SDF4: variants seen among roughly 807,000 people sequenced by gnomAD.
The protein encoded by SDF4 is 45 kDa calcium-binding protein.
A neutral mutation model predicts 34.2 loss-of-function variants in SDF4; 22 were observed. The ratio of observed to expected loss-of-function variants is 0.64; its 90% CI spans 0.46 to 0.92. SDF4 has a LOEUF of 0.92. SDF4 is among the 40% of genes least tolerant of loss of function. The pLI is 0.00. For synonymous variants in SDF4, 236 were observed against 203.1 expected (o/e 1.16, Z -1.38); for missense variants, 447 against 499.9 (o/e 0.89, Z 1.01).
intron 4 of SDF4, 104 bp downstream of exon 4, chr1:1,223,140 G>A (rs760602028): frequency 3.7e-6 from 3 of 815,234 alleles, no homozygotes; most frequent in South Asian, 1.4e-5. Context: ...CACACGCACG[G>A]CACACTCATA....
chr1:1,220,404 G>GGC, intron 4 of SDF4: 1 of 1,166,390 alleles, frequency 8.6e-7, no homozygotes, highest in African/African-American at 1.6e-5. Context: ...GGACTCACGC[G>GGC]GTGACCCTCG....
chr1:1,220,092 C>G lies in SDF4; in HGVS notation c.557-1165G>C, dbSNP rs544166893. 4 of 986,558 alleles carry G rather than the reference C, an allele frequency of 4.1e-6. No individual in the cohort carries two copies. In the South Asian group the frequency reaches 1.9e-4, roughly 46 times the overall value. 61.1% of individuals were successfully genotyped at this position (986,558 alleles called of 1,614,324 possible). A position where few individuals can be genotyped will look rare whatever the true frequency, so the allele number is the denominator to read the frequency against. ...GCACAGACGCCCCAGACAGGCCGGCCGAGAGACGCTTTCTCCAGCACAGGA... is the reference window on the plus strand; with the variant it reads ...GCACAGACGCCCCAGACAGGCCGGCGGAGAGACGCTTTCTCCAGCACAGGA... On this transcript the variant is annotated intron_variant, in intron 4 of 6. Transcript: ENST00000360001.
Position 1,223,986 on chromosome 1 carries a change from G to T in SDF4, c.306-18C>A. The T allele has an allele frequency of 6.2e-7, 1 of 1,608,110 alleles. No individual in the cohort carries two copies. The highest frequency in any genetic ancestry group is 1.1e-5 in the South Asian group (1 of 91,064). ...CATCCACCCTGCAAGACAGCAAATG[G>T]GCAGGTGGCCGTCAGACTGGGCCCC... is the stretch of plus-strand genomic sequence containing the variant. On this transcript the variant is annotated intron_variant, in intron 2 of 6. Coordinates refer to ENST00000360001, the MANE Select transcript of SDF4 (RefSeq NM_016176.6).
In SDF4 at chr1:1,218,245, G is replaced by C. The variant is rs1363315502; in HGVS notation, c.891+213C>G. Among the ~76,000 whole-genome samples, 2 of 152,240 alleles carry C rather than the reference G, an allele frequency of 1.3e-5. No homozygotes were observed. The highest frequency in any genetic ancestry group is 1.3e-4 in the Admixed American group (2 of 15,292). ...AGGGGCTGAGGATGGAGCCCGGCCAGGCTCGCCTGTCTCTGATCCGTCTGA... is the reference window on the plus strand; with the variant it reads ...AGGGGCTGAGGATGGAGCCCGGCCACGCTCGCCTGTCTCTGATCCGTCTGA... On this transcript the variant is annotated intron_variant, in intron 6 of 6. Coordinates refer to ENST00000360001, the MANE Select transcript of SDF4 (RefSeq NM_016176.6). This position sits in a 1 kb window ranked among gnomAD's most constrained non-coding sequence, Gnocchi z 7.9.
intron 4 of SDF4, chr1:1,219,621 G>A (rs1203680373): frequency 1.0e-6 from 1 of 986,604 alleles, no homozygotes; most frequent in East Asian, 1.1e-4. Flanking sequence ...CACTGCCTCT[G>A]GGTGTGTGGC....
intron 4 of SDF4, among the ~76,000 whole-genome samples, chr1:1,222,007 T>C (rs1391844790): frequency 6.6e-6 from 1 of 152,172 alleles, no homozygotes; most frequent in Non-Finnish European, 1.5e-5. Context: ...TGTGTGTTAC[T>C]GATAAGTTAA....
chr1:1,223,786 G>GGCCCCCCCCCCCCCCCCCCC, intron 3 of SDF4, 46 bp downstream of exon 3: 33 of 585,238 alleles, frequency 5.6e-5, no homozygotes, highest in East Asian at 6.0e-5. Context: ...CCATGGCCCT[G>GGCCCCCCCCCCCCCCCCCCC]CCCGCCCCGC....
At chr1:1,230,906 A>T (rs72894056) in intron 1 of SDF4, among the ~76,000 whole-genome samples, 224 of 152,370 alleles carry the variant, frequency 1.5e-3, no homozygotes, top group African/African-American at 4.6e-3. Flanking sequence ...CTACAGTCGT[A>T]AAACACACGC....
At chr1:1,220,281 C>T (rs929524715) in intron 4 of SDF4, 127 of 1,074,174 alleles carry the variant, frequency 1.2e-4, no homozygotes, top group African/African-American at 2.0e-4. Context: ...GAGAAGAGGA[C>T]GCAGACCCAG....
At chr1:1,227,325 G>GCGGGGGCTGCCTCCTTATGCCCAGGTCTC (rs1409708151) in intron 2 of SDF4, 13 of 148,898 alleles carry the variant, frequency 8.7e-5, no homozygotes, top group African/African-American at 2.8e-4. Flanking sequence ...AGGCCCTGCG[G>GCGGGGGCTGCCTCCTTATGCCCAGGTCTC]GAAGGCGAGC....
chr1:1,217,080 A>G lies in SDF4; in HGVS notation c.*432T>C, dbSNP rs910225476. ...ACTTCCTGGCTACTCATTTCCAGCG[A>G]AGTTTAATCTATTTTTAATAATCGT... On this transcript the variant is annotated 3_prime_UTR_variant, in exon 7 of 7. Coordinates refer to ENST00000360001, the MANE Select transcript of SDF4 (RefSeq NM_016176.6). The surrounding 1 kb of genome is among the most constrained non-coding windows in gnomAD (Gnocchi z 8.5). 1 of 152,220 alleles carries G rather than the reference A, an allele frequency of 6.6e-6. No homozygotes were observed. Among genetic ancestry groups the G allele is most frequent in the African/African-American group, 2.4e-5 (1 of 41,432 alleles). 9.4% of individuals were successfully genotyped at this position (152,220 alleles called of 1,614,324 possible). A position where few individuals can be genotyped will look rare whatever the true frequency, so the allele number is the denominator to read the frequency against.
chr1:1,220,538 G>A (rs993321769), intron 4 of SDF4: 39 of 1,235,626 alleles, frequency 3.2e-5, no homozygotes, highest in East Asian at 1.8e-4. Flanking sequence ...CAAAGAGGTC[G>A]GGGGGTCCTA....
At chr1:1,227,287 G>C (rs1638341596) in intron 2 of SDF4, 1 of 153,620 alleles carries the variant, frequency 6.5e-6, no homozygotes, top group Admixed American at 6.5e-5. Flanking sequence ...TGGAGCACCA[G>C]GCCCGGCGGG....
rs1386640565 is a variant in SDF4, at chr1:1,219,119, T to C, written c.557-192A>G. On this transcript the variant is annotated intron_variant, in intron 4 of 6. Transcript: ENST00000360001. ...CACAGCCTGGACCCCCGCCAAGACA[T>C]AACCCAGAGCCTCCCACAGGCCTGA... 2.0e-6 allele frequency: 3 copies of C among 1,499,504 alleles called. No homozygotes were observed. The East Asian group carries it at 7.8e-5, about 39-fold the overall frequency. The allele number at this position is 1,499,504 out of a possible 1,614,324, so 92.9% of individuals were successfully genotyped here. A position where few individuals can be genotyped will look rare whatever the true frequency, so the allele number is the denominator to read the frequency against.
At chr1:1,219,880 C>T in intron 4 of SDF4, 1 of 985,794 alleles carries the variant, frequency 1.0e-6, no homozygotes, top group Non-Finnish European at 1.2e-6. Flanking sequence ...GTCGCGCTCA[C>T]TGCGGGATGA....
chr1:1,217,740 G>T lies in SDF4; in HGVS notation c.892-52C>A. 1.2e-6 allele frequency: 2 copies of T among 1,609,424 alleles called. No individual in the cohort carries two copies. Among genetic ancestry groups the T allele is most frequent in the Non-Finnish European group, 1.7e-6 (2 of 1,178,436 alleles). ...CGTCGCCTTTCCCCCTCCGAGCTCC[G>T]CGGCCAGCCGCACGAAGTGGCTATT... On this transcript the variant is annotated intron_variant, in intron 6 of 6. Transcript: ENST00000360001. The surrounding 1 kb of genome is among the most constrained non-coding windows in gnomAD (Gnocchi z 8.5).
At position 1,223,970 on chromosome 1, in the gene SDF4, T is replaced by C; in HGVS notation, c.306-2A>G. On this transcript the variant is annotated splice_acceptor_variant, in intron 2 of 6. Coordinates refer to ENST00000360001, the MANE Select transcript of SDF4 (RefSeq NM_016176.6). LOFTEE classifies it high-confidence loss of function. ...TTCCGGTCAGTGTTCACATCCACCC[T>C]GCAAGACAGCAAATGGGCAGGTGGC... The C allele has an allele frequency of 6.2e-7, 1 of 1,609,894 alleles. No homozygotes were observed. The highest frequency in any genetic ancestry group is 8.5e-7 in the Non-Finnish European group (1 of 1,179,710).
intron 1 of SDF4, among the ~76,000 whole-genome samples, chr1:1,231,226 G>C (rs1404166082): frequency 1.3e-5 from 2 of 152,204 alleles, no homozygotes; most frequent in African/African-American, 4.8e-5. Flanking sequence ...GGAGCGGGCC[G>C]GTCCCACCGG....
intron 4 of SDF4, chr1:1,221,484 C>T (rs2100972876): frequency 6.6e-6 from 1 of 152,410 alleles, no homozygotes; most frequent in Middle Eastern, 3.4e-3. Context: ...GGGCTGGTCA[C>T]ATGATATGGG....
Sources: gnomAD v4.1 joint callset for allele counts (sites outside exome capture counted in the v4.1 genomes callset) on GRCh38, gnomAD v4.1.1 for gene constraint, Gnocchi (gnomAD v3.1) non-coding constraint, MANE v1.5 for transcripts, NCBI Gene and HGNC (gene_info 2026-07-23, HGNC 2026-07-21) for gene names.